The following TAS2R1 variants were observed in gnomAD, a reference collection of about 807,000 sequenced individuals.
The protein encoded by TAS2R1 is taste 2 receptor member 1.
For missense variants in TAS2R1, 370 were observed against 353.4 expected, an observed-to-expected ratio of 1.05 and a Z score of -0.38; for synonymous variants, 141 against 134.2, an observed-to-expected ratio of 1.05 and a Z score of -0.35.
chr5:9,701,921 G>C (rs921431712), intron 1 of TAS2R1, among the ~76,000 whole-genome samples: 4 of 152,236 alleles, frequency 2.6e-5, no homozygotes, highest in African/African-American at 9.6e-5. Context: ...TAAAGTTTCT[G>C]TTAGAGTGAG....
chr5:9,633,294 T>TATATATATATA (rs1476544403), upstream of TAS2R1, among the ~76,000 whole-genome samples: 10 of 67,822 alleles, frequency 1.5e-4, no homozygotes, highest in East Asian at 2.2e-3. Context: ...TGTGTGTATA[T>TATATATATATA]TATATATATA....
chr5:9,880,597 A>G, the TAS2R1 span, among the ~76,000 whole-genome samples: 1 of 152,074 alleles, frequency 6.6e-6, no homozygotes, highest in African/African-American at 2.4e-5. Flanking sequence ...TCTATCATGT[A>G]GATGACAAGA....
chr5:9,701,220 A>T (rs559031206), intron 1 of TAS2R1, among the ~76,000 whole-genome samples: 9 of 111,274 alleles, frequency 8.1e-5, no homozygotes, highest in Middle Eastern at 9.8e-3. Context: ...GCAGACACGC[A>T]GACACACACA....
upstream of TAS2R1, among the ~76,000 whole-genome samples, chr5:9,633,293 A>ATATATATATATATATTTATATTTATAT (rs1561364890): frequency 1.6e-5 from 1 of 62,558 alleles, no homozygotes; most frequent in Admixed American, 1.6e-4. Context: ...GTGTGTGTAT[A>ATATATATATATATATTTATATTTATAT]TTATATATAT....
chr5:9,822,324 T>C, the TAS2R1 span, among the ~76,000 whole-genome samples: 1 of 151,274 alleles, frequency 6.6e-6, no homozygotes, highest in East Asian at 1.9e-4. Flanking sequence ...TCTTTCATAA[T>C]ATGTAATGTA....
chr5:9,635,063 TATA>T (rs899667039), upstream of TAS2R1, among the ~76,000 whole-genome samples: 2 of 152,182 alleles, frequency 1.3e-5, no homozygotes, highest in African/African-American at 4.8e-5. Context: ...TCTCATTCAA[TATA>T]ATGTTGGCTG....
chr5:9,851,488 T>C, the TAS2R1 span, among the ~76,000 whole-genome samples: 1 of 151,754 alleles, frequency 6.6e-6, no homozygotes, highest in African/African-American at 2.4e-5. Flanking sequence ...GATCTACAGA[T>C]CTCACAAGTA....
At chr5:9,857,841 G>A in the TAS2R1 span, among the ~76,000 whole-genome samples, 1 of 152,120 alleles carries the variant, frequency 6.6e-6, no homozygotes, top group Admixed American at 6.5e-5. Context: ...CAGAGATTCT[G>A]GGTATACCAC....
chr5:9,797,947 T>A, the TAS2R1 span, among the ~76,000 whole-genome samples: 3 of 152,182 alleles, frequency 2.0e-5, no homozygotes, highest in Non-Finnish European at 4.4e-5. Flanking sequence ...TATACGAATG[T>A]TCACAGCAGC....
At chr5:9,701,311 C>T (rs553047393) in intron 1 of TAS2R1, among the ~76,000 whole-genome samples, 2 of 151,860 alleles carry the variant, frequency 1.3e-5, no homozygotes, top group South Asian at 4.2e-4. Flanking sequence ...TTCCCGGACC[C>T]CTCCTTCCAA....
At chr5:9,864,621 T>C in the TAS2R1 span, among the ~76,000 whole-genome samples, 2 of 144,220 alleles carry the variant, frequency 1.4e-5, no homozygotes, top group Non-Finnish European at 3.0e-5. Context: ...TGACAAGAGC[T>C]AGACTCCACT....
the TAS2R1 span, among the ~76,000 whole-genome samples, chr5:9,899,689 C>T: frequency 6.6e-6 from 1 of 150,990 alleles, no homozygotes; most frequent in Non-Finnish European, 1.5e-5. Flanking sequence ...CAGCCTCTCA[C>T]AAGAAGACAA....
At chr5:9,783,979 T>C in the TAS2R1 span, among the ~76,000 whole-genome samples, 1 of 152,172 alleles carries the variant, frequency 6.6e-6, no homozygotes, top group Non-Finnish European at 1.5e-5. Flanking sequence ...TGTATGACCT[T>C]GGACAAATGA....
chr5:9,810,835 A>G, the TAS2R1 span, among the ~76,000 whole-genome samples: 47 of 152,266 alleles, frequency 3.1e-4, no homozygotes, highest in African/African-American at 1.0e-3. Flanking sequence ...TCTTCTTCCA[A>G]TGGAAAATGT....
chr5:9,894,391 T>TCAAAAACAAAAACAAAAA, the TAS2R1 span, among the ~76,000 whole-genome samples: 215 of 147,188 alleles, frequency 1.5e-3, no homozygotes, highest in Non-Finnish European at 2.5e-3. Flanking sequence ...AGACTCTGTC[T>TCAAAAACAAAAACAAAAA]CAAAAACAAA....
At chr5:9,834,165 C>T in the TAS2R1 span, among the ~76,000 whole-genome samples, 4,254 of 152,182 alleles carry the variant, frequency 0.028, 209 homozygotes, top group African/African-American at 0.098. Context: ...ACTGTTTCTG[C>T]GTCAAGCGCT....
chr5:9,887,866 T>C, the TAS2R1 span, among the ~76,000 whole-genome samples: 1 of 151,786 alleles, frequency 6.6e-6, no homozygotes, highest in Non-Finnish European at 1.5e-5. Context: ...GAAAAGACAA[T>C]GGATAGAATT....
the TAS2R1 span, among the ~76,000 whole-genome samples, chr5:9,752,495 C>T: frequency 3.3e-5 from 5 of 152,116 alleles, no homozygotes; most frequent in South Asian, 8.3e-4. Context: ...CCTGAGGCCC[C>T]TCACATTGTT....
chr5:9,728,555 G>T, the TAS2R1 span, among the ~76,000 whole-genome samples: 3 of 152,312 alleles, frequency 2.0e-5, no homozygotes, highest in Middle Eastern at 3.4e-3. Context: ...TGCAAAAAAT[G>T]AATTTACCCA....
Sources: gnomAD v4.1 joint callset for allele counts (sites outside exome capture counted in the v4.1 genomes callset) on GRCh38, gnomAD v4.1.1 for gene constraint, MANE v1.5 for transcripts, NCBI Gene and HGNC (gene_info 2026-07-23, HGNC 2026-07-21) for gene names.